Variants in STPG2 observed in about 807,000 individuals in gnomAD.
STPG2 encodes sperm-tail PG-rich repeat-containing protein 2.
Under a neutral mutation model 54.2 loss-of-function variants are expected in STPG2, and 56 were observed. The observed-to-expected ratio is 1.03, with a 90% CI of 0.83 to 1.29. The LOEUF (loss-of-function observed/expected upper bound fraction) is 1.29. Ranked by LOEUF, STPG2 falls within the 50% of genes most tolerant of loss-of-function variation. STPG2 has a pLI of 0.00. For missense variants in STPG2, 596 were observed against 544.9 expected, an observed-to-expected ratio of 1.09 and a Z score of -0.93; for synonymous variants, 200 against 181.8, an observed-to-expected ratio of 1.10 and a Z score of -0.81.
At chr4:97,577,301 T>G (rs1318082521) in intron 10 of STPG2, among the ~76,000 whole-genome samples, 1 of 152,180 alleles carries the variant, frequency 6.6e-6, no homozygotes, top group African/African-American at 2.4e-5. Flanking sequence ...TTATGTTCAT[T>G]GCAATACTAT....
chr4:97,760,731 T>C (rs1725866608), intron 9 of STPG2, among the ~76,000 whole-genome samples: 1 of 152,184 alleles, frequency 6.6e-6, no homozygotes, highest in South Asian at 2.1e-4. Flanking sequence ...TAGTTTCCCA[T>C]TGCTGCTGTA....
chr4:98,008,500 A>AATAAAAACTCAC (rs1560633008), intron 5 of STPG2, among the ~76,000 whole-genome samples: 18 of 151,092 alleles, frequency 1.2e-4, no homozygotes, highest in African/African-American at 3.9e-4. Context: ...AAACAAACAG[A>AATAAAAACTCAC]AGTATAAAAA....
chr4:97,852,405 T>A (rs1199048621), intron 8 of STPG2, among the ~76,000 whole-genome samples: 1 of 152,282 alleles, frequency 6.6e-6, no homozygotes, highest in East Asian at 1.9e-4. Context: ...ATAGCCTTAT[T>A]ATTAACTTTA....
At chr4:97,932,035 T>G (rs536204643) in intron 8 of STPG2, among the ~76,000 whole-genome samples, 1 of 152,304 alleles carries the variant, frequency 6.6e-6, no homozygotes, top group East Asian at 1.9e-4. Flanking sequence ...TGTGTAGAGA[T>G]GTTTGCAGTA....
At chr4:97,453,009 T>C (rs1729416480) in intron 4 of STPG2, among the ~76,000 whole-genome samples, 1 of 152,068 alleles carries the variant, frequency 6.6e-6, no homozygotes, top group Non-Finnish European at 1.5e-5. Flanking sequence ...AATGGTGGAG[T>C]TAAAAGAGCT....
chr4:97,531,972 T>C (rs375403148), intron 4 of STPG2, among the ~76,000 whole-genome samples: 1 of 152,140 alleles, frequency 6.6e-6, no homozygotes, highest in African/African-American at 2.4e-5. Flanking sequence ...AAATATCTAA[T>C]GTACTCCATA....
At chr4:97,453,365 C>T (rs1729427793) in intron 4 of STPG2, among the ~76,000 whole-genome samples, 1 of 152,204 alleles carries the variant, frequency 6.6e-6, no homozygotes, top group Non-Finnish European at 1.5e-5. Flanking sequence ...CCCTTTGCTG[C>T]TCCACGCCTG....
chr4:98,116,043 C>G (rs1186525628), intron 3 of STPG2, among the ~76,000 whole-genome samples: 1 of 151,830 alleles, frequency 6.6e-6, no homozygotes, highest in Non-Finnish European at 1.5e-5. Flanking sequence ...TGATTCAATA[C>G]TTATTAAATT....
Position 97,611,432 on chromosome 4 carries a change from T to C in STPG2, c.1321-52315A>G, listed in dbSNP as rs866647461. 2.0e-5 allele frequency among the ~76,000 whole-genome samples: 3 copies of C among 151,992 alleles called. No individual in the cohort carries two copies. In the Middle Eastern group the frequency reaches 0.01, roughly 517 times the overall value. Reference sequence around the variant, plus strand: ...GAAATAAAAATTCCAGTAAACAATATCTAGGCTTTTATAATAAAAGACTAT... The same window carrying C: ...GAAATAAAAATTCCAGTAAACAATACCTAGGCTTTTATAATAAAAGACTAT... On this transcript the variant is annotated intron_variant, in intron 10 of 10. Transcript: ENST00000295268.
At position 98,105,952 on chromosome 4, in the gene STPG2, C is replaced by T. The variant is rs774408983; in HGVS notation, c.612+1G>A. 1.3e-6 allele frequency: 2 copies of T among 1,559,892 alleles called. No individual in the cohort carries two copies. Among genetic ancestry groups the T allele is most frequent in the Non-Finnish European group, 1.8e-6 (2 of 1,141,230 alleles). On this transcript the variant is annotated splice_donor_variant, in intron 5 of 10. Coordinates refer to ENST00000295268, the MANE Select transcript of STPG2 (RefSeq NM_174952.3). LOFTEE classifies it high-confidence loss of function. ...TATGCATTAGCCACTTTTCAACTTA[C>T]CTTTTTTTTCTCCTGCAATACTATT...
At chr4:97,719,476 A>G (rs554322576) in intron 9 of STPG2, among the ~76,000 whole-genome samples, 22 of 152,130 alleles carry the variant, frequency 1.4e-4, no homozygotes, top group African/African-American at 5.3e-4. Flanking sequence ...GGACCAAGAA[A>G]ACAATTTCAA....
intron 4 of STPG2, among the ~76,000 whole-genome samples, chr4:97,504,810 C>G (rs1471625551): frequency 6.6e-6 from 1 of 151,870 alleles, no homozygotes; most frequent in Non-Finnish European, 1.5e-5. Context: ...TTTGTTTTAC[C>G]AGAATGTCAA....
chr4:97,759,047 T>A (rs986186716), intron 9 of STPG2, among the ~76,000 whole-genome samples: 1 of 152,056 alleles, frequency 6.6e-6, no homozygotes, highest in African/African-American at 2.4e-5. Flanking sequence ...GAACAAATAA[T>A]GAGATGTTTT....
At chr4:97,754,267 C>A (rs1245559826) in intron 9 of STPG2, among the ~76,000 whole-genome samples, 1 of 152,018 alleles carries the variant, frequency 6.6e-6, no homozygotes, top group African/African-American at 2.4e-5. Flanking sequence ...GAGATAACAG[C>A]CAAATCCTCA....
intron 8 of STPG2, among the ~76,000 whole-genome samples, chr4:97,852,331 C>T (rs1729186820): frequency 6.6e-6 from 1 of 152,058 alleles, no homozygotes; most frequent in Non-Finnish European, 1.5e-5. Context: ...TAAATAGGGA[C>T]CATTTTAAGG....
intron 10 of STPG2, among the ~76,000 whole-genome samples, chr4:97,663,541 T>G (rs1484580874): frequency 6.6e-6 from 1 of 152,208 alleles, no homozygotes; most frequent in African/African-American, 2.4e-5. Context: ...TTATTTCTTC[T>G]CTAACCATTA....
intron 3 of STPG2, among the ~76,000 whole-genome samples, chr4:98,126,944 T>C (rs1739848470): frequency 6.6e-6 from 1 of 151,996 alleles, no homozygotes; most frequent in East Asian, 1.9e-4. Context: ...TAAATTATTT[T>C]TTAAAAAGAA....
chr4:98,036,025 C>T (rs886785306), intron 5 of STPG2, among the ~76,000 whole-genome samples: 3 of 152,008 alleles, frequency 2.0e-5, no homozygotes, highest in African/African-American at 7.2e-5. Flanking sequence ...AGCAAACCAC[C>T]ATGGCACATG....
intron 7 of STPG2, among the ~76,000 whole-genome samples, chr4:97,955,944 G>C (rs2149244044): frequency 6.6e-6 from 1 of 152,202 alleles, no homozygotes; most frequent in African/African-American, 2.4e-5. Flanking sequence ...TAATAATTCA[G>C]CAGCAGACCT....
Sources: allele counts gnomAD v4.1 joint callset (sites outside exome capture counted in the v4.1 genomes callset), GRCh38; gene constraint gnomAD v4.1.1; transcripts MANE v1.5; gene names NCBI Gene and HGNC (gene_info 2026-07-23, HGNC 2026-07-21).